MMP26: variants seen among roughly 807,000 people sequenced by gnomAD.
MMP26 encodes matrix metallopeptidase 26.
MMP26 carries 33 observed loss-of-function variants against 31.0 expected under a neutral mutation model. The observed-to-expected ratio is 1.06, with a 90% CI of 0.81 to 1.42. MMP26 has a LOEUF of 1.42. Ranked by LOEUF, MMP26 falls within the 40% of genes most tolerant of loss-of-function variation. The probability of loss-of-function intolerance (pLI) is 0.00; values close to 1 mark genes in which losing one functional copy is unlikely to be tolerated. For missense variants in MMP26, 347 were observed against 316.1 expected, an observed-to-expected ratio of 1.10 and a Z score of -0.74; for synonymous variants, 122 against 114.9, an observed-to-expected ratio of 1.06 and a Z score of -0.40.
chr11:4,862,566 C>T (rs1435286986), intron 2 of MMP26, among the ~76,000 whole-genome samples: 3 of 152,030 alleles, frequency 2.0e-5, no homozygotes, highest in Admixed American at 2.0e-4. Flanking sequence ...GTGAGAGGTC[C>T]TATGGTGTCT....
chr11:4,990,704 C>T lies in MMP26; in HGVS notation c.427C>T (p.Gln143Ter). The T allele has an allele frequency of 6.2e-7, 1 of 1,614,084 alleles. No individual in the cohort carries two copies. The highest frequency in any genetic ancestry group is 8.5e-7 in the Non-Finnish European group (1 of 1,179,980). The change falls in exon 5 of 8, where the codon CAG becomes TAG. Residue 143 changes from glutamine (Q) to a stop codon, truncating the protein, a stop_gained. Coordinates refer to ENST00000380390, the MANE Select transcript of MMP26 (RefSeq NM_021801.5). LOFTEE classifies it high-confidence loss of function. ...GACCCCTTTGATATTCCAGCAAGTG[C>T]AGAATGGAGATGCAGACATCAAGGT... The part of the protein sequence containing the change: ...NVTPLIFQQV[Q>*]NGDADIKVSF...
Position 4,947,407 on chromosome 11 carries a change from A to G in MMP26, c.-144-40661A>G, listed in dbSNP as rs375711741. On this transcript the variant is annotated intron_variant, in intron 2 of 7. Transcript: ENST00000380390. ...ATTTCATTTTTTCCTGTAAAATATT[A>G]GTAAACGCTGGTCAATTAACTGGAA... 4.7e-4 allele frequency: 108 copies of G among 231,386 alleles called. 16 individuals are homozygous for G. The Middle Eastern group carries it at 4.9e-3, about 11-fold the overall frequency. The allele number at this position is 231,386 out of a possible 1,614,324, so 14.3% of individuals were successfully genotyped here.
intron 2 of MMP26, among the ~76,000 whole-genome samples, chr11:4,867,600 A>G (rs1202608054): frequency 2.0e-5 from 3 of 151,986 alleles, no homozygotes; most frequent in Non-Finnish European, 4.4e-5. Context: ...CATGTTGGCT[A>G]AGCTGGTCTC....
chr11:4,832,255 C>A, intron 2 of MMP26: 1 of 184,438 alleles, frequency 5.4e-6, no homozygotes, highest in East Asian at 1.4e-4. Context: ...TCATGGCCAT[C>A]CTGGGCAACT....
At chr11:4,956,333 T>C (rs1846442539) in intron 2 of MMP26, among the ~76,000 whole-genome samples, 1 of 152,224 alleles carries the variant, frequency 6.6e-6, no homozygotes, top group South Asian at 2.1e-4. Context: ...TCTCTGGGGA[T>C]TGCAGCCAGG....
At chr11:4,769,451 A>G in intron 2 of MMP26, 1 of 1,612,856 alleles carries the variant, frequency 6.2e-7, no homozygotes, top group Non-Finnish European at 8.5e-7. Flanking sequence ...CAATATTAGT[A>G]CTATAGCACG....
At chr11:4,942,206 G>A (rs1183895552) in intron 2 of MMP26, among the ~76,000 whole-genome samples, 4 of 150,858 alleles carry the variant, frequency 2.7e-5, no homozygotes, top group Admixed American at 1.3e-4. Context: ...CTTCTGTTGT[G>A]TTAAAATGAC....
intron 2 of MMP26, among the ~76,000 whole-genome samples, chr11:4,874,369 C>G (rs1024313744): frequency 6.6e-6 from 1 of 152,174 alleles, no homozygotes; most frequent in Non-Finnish European, 1.5e-5. Flanking sequence ...CCAGAGCTCT[C>G]TGTCTTTTGT....
At chr11:4,935,820 A>G (rs1220500550) in intron 2 of MMP26, among the ~76,000 whole-genome samples, 2 of 151,634 alleles carry the variant, frequency 1.3e-5, no homozygotes, top group Non-Finnish European at 2.9e-5. Flanking sequence ...CTTTTTCTGC[A>G]TCTATTGAGA....
chr11:4,856,417 C>A (rs1303364113), intron 2 of MMP26, among the ~76,000 whole-genome samples: 1 of 152,126 alleles, frequency 6.6e-6, no homozygotes, highest in African/African-American at 2.4e-5. Context: ...GCAGGGATTG[C>A]AATCCTAGTC....
At chr11:4,959,902 A>G (rs1421448598) in intron 2 of MMP26, among the ~76,000 whole-genome samples, 2 of 151,810 alleles carry the variant, frequency 1.3e-5, no homozygotes, top group East Asian at 1.9e-4. Context: ...TTTTTCTCCT[A>G]TATCTTTTTT....
intron 2 of MMP26, among the ~76,000 whole-genome samples, chr11:4,981,478 G>A (rs990085405): frequency 6.6e-6 from 1 of 152,002 alleles, no homozygotes; most frequent in Non-Finnish European, 1.5e-5. Flanking sequence ...ATAATGTATG[G>A]TAAAAACACA....
chr11:4,752,692 T>C (rs1279979401), intron 1 of MMP26: 1 of 152,176 alleles, frequency 6.6e-6, no homozygotes, highest in Admixed American at 6.6e-5. Flanking sequence ...GATAAACAAG[T>C]GTTAAAGCTG....
chr11:4,884,117 T>C (rs1850516345), intron 2 of MMP26, among the ~76,000 whole-genome samples: 1 of 152,152 alleles, frequency 6.6e-6, no homozygotes. Flanking sequence ...AATAATCACA[T>C]ATCATTTATA....
chr11:4,850,849 G>A (rs1849965908), intron 2 of MMP26, among the ~76,000 whole-genome samples: 1 of 138,978 alleles, frequency 7.2e-6, no homozygotes. Flanking sequence ...GGAGTGAGGA[G>A]GCTAACCCTA....
intron 2 of MMP26, among the ~76,000 whole-genome samples, chr11:4,982,381 T>A (rs984487154): frequency 6.6e-6 from 1 of 152,162 alleles, no homozygotes; most frequent in East Asian, 1.9e-4. Context: ...TACAATCTTA[T>A]GGGAGCACCA....
At chr11:4,800,087 G>GC (rs1252064622) in intron 2 of MMP26, among the ~76,000 whole-genome samples, 2 of 152,228 alleles carry the variant, frequency 1.3e-5, no homozygotes, top group Middle Eastern at 3.4e-3. Flanking sequence ...GAGGGCAGTG[G>GC]CCCCCCTTCC....
At chr11:4,785,043 G>C (rs974957605) in intron 2 of MMP26, among the ~76,000 whole-genome samples, 1 of 152,112 alleles carries the variant, frequency 6.6e-6, no homozygotes, top group African/African-American at 2.4e-5. Flanking sequence ...TTGATAGACA[G>C]GTGTCAATGT....
chr11:4,819,961 A>G (rs189612116), intron 2 of MMP26, among the ~76,000 whole-genome samples: 6 of 152,224 alleles, frequency 3.9e-5, no homozygotes, highest in Admixed American at 2.0e-4. Flanking sequence ...GGCCCTTTGC[A>G]TACAGGAACT....
Sources: allele counts gnomAD v4.1 joint callset (sites outside exome capture counted in the v4.1 genomes callset), GRCh38; gene constraint gnomAD v4.1.1; transcripts MANE v1.5; gene names NCBI Gene and HGNC (gene_info 2026-07-23, HGNC 2026-07-21).